SNX29: variants seen among roughly 807,000 people sequenced by gnomAD.
The protein encoded by SNX29 is sorting nexin 29, also known as sorting nexin-29.
In SNX29, 78 loss-of-function variants were observed where a neutral mutation model predicts 102.1. The observed-to-expected ratio is 0.76, with a 90% CI of 0.64 to 0.92. SNX29 has a LOEUF of 0.92. Ranked by LOEUF, SNX29 falls within the 40% of genes least tolerant of loss-of-function variation. The pLI is 0.00. For missense variants in SNX29, 1,280 were observed against 1,061.7 expected (o/e 1.21, Z -2.86); for synonymous variants, 580 against 414.5 (o/e 1.40, Z -4.85).
At chr16:12,439,590 C>G (rs532695258) in intron 18 of SNX29, among the ~76,000 whole-genome samples, 20 of 152,294 alleles carry the variant, frequency 1.3e-4, no homozygotes, top group African/African-American at 4.3e-4. Flanking sequence ...TCTCGTGAGA[C>G]TCATTCACTA....
intron 18 of SNX29, among the ~76,000 whole-genome samples, chr16:12,457,989 CTGTT>C (rs1168036241): frequency 2.6e-5 from 4 of 152,134 alleles, no homozygotes; most frequent in Admixed American, 6.6e-5. Flanking sequence ...TTCTATTGTT[CTGTT>C]TGTTTTTCAT....
chr16:12,204,518 G>A (rs554082459), intron 14 of SNX29, among the ~76,000 whole-genome samples: 2 of 152,112 alleles, frequency 1.3e-5, no homozygotes, highest in Non-Finnish European at 2.9e-5. Flanking sequence ...AATAGCAATG[G>A]ATTTTAAAGC....
intron 20 of SNX29, among the ~76,000 whole-genome samples, chr16:12,536,075 A>G (rs557779991): frequency 6.6e-6 from 1 of 152,236 alleles, no homozygotes; most frequent in South Asian, 2.1e-4. Flanking sequence ...TTCATCTAAC[A>G]CACCCAGGAT....
In SNX29 at chr16:12,532,594, C is replaced by G. The variant is rs569560867; in HGVS notation, c.2318+7753C>G. On this transcript the variant is annotated intron_variant, in intron 20 of 20. Coordinates refer to ENST00000566228, the MANE Select transcript of SNX29 (RefSeq NM_032167.5). ...TGACTTCACCATCTGAAATCCCAGTCTGTCTGAGGTATTTGGAAACACTCT... is the reference window on the plus strand; with the variant it reads ...TGACTTCACCATCTGAAATCCCAGTGTGTCTGAGGTATTTGGAAACACTCT... Among the ~76,000 whole-genome samples, 379 of 152,080 alleles carry G rather than the reference C, an allele frequency of 2.5e-3. 4 individuals are homozygous for G. Among genetic ancestry groups the G allele is most frequent in the African/African-American group, 9.0e-3 (371 of 41,330 alleles).
chr16:12,327,481 C>T (rs1277463363), intron 15 of SNX29, among the ~76,000 whole-genome samples: 1 of 152,082 alleles, frequency 6.6e-6, no homozygotes, highest in Non-Finnish European at 1.5e-5. Context: ...GGCCGTCTTC[C>T]CACTGTGGTC....
At chr16:12,060,795 C>T (rs967005660) in intron 8 of SNX29, 7 of 456,182 alleles carry the variant, frequency 1.5e-5, no homozygotes, top group South Asian at 7.7e-5. Context: ...AACCACACTG[C>T]CTGGCGTTTC....
chr16:12,477,793 G>C lies in SNX29; in HGVS notation c.2112G>C (p.Lys704Asn), dbSNP rs200504324. 273 of 1,613,358 alleles carry C rather than the reference G, an allele frequency of 1.7e-4. 1 individual carries two copies. The highest frequency in any genetic ancestry group is 5.9e-5 in the Non-Finnish European group (70 of 1,179,734). ...CAGAGTTCAGGAGTTTGCACCACAA[G>C]TTACAAAACAAGTACCCTCAAGTGA... is the stretch of plus-strand genomic sequence containing the variant. Reference protein sequence around the residue: ...RYTEFRSLHHKLQNKYPQVRA... With the variant: ...RYTEFRSLHHNLQNKYPQVRA... Residue 704 changes from lysine to asparagine, a missense_variant, in exon 19 of 21, where the codon AAG becomes AAC. Lys to Asn is a moderately conservative substitution (Grantham distance 94). Coordinates refer to ENST00000566228, the MANE Select transcript of SNX29 (RefSeq NM_032167.5).
intron 15 of SNX29, among the ~76,000 whole-genome samples, chr16:12,308,407 G>C (rs1418634110): frequency 6.6e-6 from 1 of 152,192 alleles, no homozygotes; most frequent in Non-Finnish European, 1.5e-5. Context: ...CCCTTCTGCA[G>C]GGATCAACCT....
intron 15 of SNX29, among the ~76,000 whole-genome samples, chr16:12,289,526 T>C (rs2079722789): frequency 6.6e-6 from 1 of 152,136 alleles, no homozygotes; most frequent in Non-Finnish European, 1.5e-5. Flanking sequence ...CGCTGGGCCC[T>C]GATCTTTGCT....
chr16:12,448,533 G>T (rs1482042947), intron 18 of SNX29, among the ~76,000 whole-genome samples: 2 of 150,640 alleles, frequency 1.3e-5, no homozygotes, highest in Non-Finnish European at 2.9e-5. Flanking sequence ...TTTTCATGGT[G>T]ACACCTCCTG....
At chr16:12,041,596 C>A (rs1334020443) in intron 4 of SNX29, among the ~76,000 whole-genome samples, 1 of 152,212 alleles carries the variant, frequency 6.6e-6, no homozygotes, top group Non-Finnish European at 1.5e-5. Flanking sequence ...CCGTTTCTGG[C>A]CCTTCCAGAG....
At chr16:12,102,689 T>C (rs1472103480) in intron 11 of SNX29, among the ~76,000 whole-genome samples, 2 of 152,156 alleles carry the variant, frequency 1.3e-5, no homozygotes, top group South Asian at 2.1e-4. Context: ...CTATTCAACA[T>C]AGTATTGCAA....
intron 14 of SNX29, among the ~76,000 whole-genome samples, chr16:12,240,187 C>G (rs996207640): frequency 6.6e-6 from 1 of 152,150 alleles, no homozygotes; most frequent in Non-Finnish European, 1.5e-5. Context: ...ATCTTTATAT[C>G]CACATTTTAG....
chr16:12,001,013 C>T (rs1239939931), intron 2 of SNX29, among the ~76,000 whole-genome samples: 1 of 152,152 alleles, frequency 6.6e-6, no homozygotes, highest in African/African-American at 2.4e-5. Context: ...CTGGTTCTTT[C>T]TCTGCTGCAG....
chr16:12,042,887 C>T lies in SNX29; in HGVS notation c.248-10C>T, dbSNP rs762895869. 1.5e-5 allele frequency: 24 copies of T among 1,597,938 alleles called. No homozygotes were observed. The Admixed American group carries it at 2.7e-4, about 18-fold the overall frequency. On this transcript the variant is annotated splice_polypyrimidine_tract_variant and intron_variant, in intron 4 of 20. Transcript: ENST00000566228. ...GCCGAGTGCCAGGCGCCTGTGCCCT[C>T]TCTCCGTAGAGCCCGTGTTCTGGTA...
intron 11 of SNX29, among the ~76,000 whole-genome samples, chr16:12,120,534 CT>C (rs552761634): frequency 1.2e-4 from 19 of 152,320 alleles, no homozygotes; most frequent in South Asian, 8.3e-4. Context: ...AATTCCCCCC[CT>C]GGGGGCCTTT....
chr16:12,538,728 A>T (rs2077189187), intron 20 of SNX29, among the ~76,000 whole-genome samples: 1 of 152,202 alleles, frequency 6.6e-6, no homozygotes, highest in African/African-American at 2.4e-5. Flanking sequence ...GGGAGCACAG[A>T]CAGGAGAAGC....
chr16:12,408,164 ACAAACAAAC>A lies in SNX29; in HGVS notation c.2037+4636_2037+4644del, dbSNP rs1435120525. On this transcript the variant is annotated intron_variant, in intron 18 of 20. Coordinates refer to ENST00000566228, the MANE Select transcript of SNX29 (RefSeq NM_032167.5). ...GCAGAGCAGGACCCTTCTCAAAAAA[ACAAACAAAC>A]AAACAAAAAAAAAACTAGAAGCAGC... Among the ~76,000 whole-genome samples, 401 of 149,990 alleles carry A rather than the reference ACAAACAAAC, an allele frequency of 2.7e-3. 9 individuals are homozygous for A. The highest frequency in any genetic ancestry group is 9.5e-3 in the African/African-American group (383 of 40,282).
intron 17 of SNX29, among the ~76,000 whole-genome samples, chr16:12,403,049 G>A (rs2084010969): frequency 1.3e-5 from 2 of 152,188 alleles, no homozygotes; most frequent in South Asian, 2.1e-4. Flanking sequence ...GGGCATTGCT[G>A]TGTGTGACCT....
Sources: gnomAD v4.1 joint callset for allele counts (sites outside exome capture counted in the v4.1 genomes callset) on GRCh38, gnomAD v4.1.1 for gene constraint, MANE v1.5 for transcripts, NCBI Gene and HGNC (gene_info 2026-07-23, HGNC 2026-07-21) for gene names.